The following GPRC5D variants were observed in gnomAD, a reference collection of about 807,000 sequenced individuals.
GPRC5D encodes G protein-coupled receptor class C group 5 member D, also known as G protein-coupled receptor family C group 5 member D.
In GPRC5D, 20 loss-of-function variants were observed where a neutral mutation model predicts 29.3. That is an observed-to-expected ratio of 0.68 (90% CI 0.48 to 0.99). The LOEUF (loss-of-function observed/expected upper bound fraction) is 0.99, where lower values mean the gene tolerates loss of function less well. Among genes scored for constraint, GPRC5D ranks in the 50% least tolerant of loss-of-function variants. The pLI is 0.00. For missense variants in GPRC5D, 384 were observed against 423.6 expected, an observed-to-expected ratio of 0.91 and a Z score of 0.82; for synonymous variants, 178 against 171.3, an observed-to-expected ratio of 1.04 and a Z score of -0.30.
intron 1 of GPRC5D, 101 bp from the exon 3 acceptor site, chr12:12,942,429 T>G: frequency 3.9e-6 from 3 of 762,542 alleles, no homozygotes; most frequent in African/African-American, 1.7e-5. Context: ...AAACAGGCTC[T>G]TCACTCTTTA....
intron 1 of GPRC5D, among the ~76,000 whole-genome samples, chr12:12,942,944 A>G (rs1483083677): frequency 1.3e-5 from 2 of 152,138 alleles, no homozygotes; most frequent in Non-Finnish European, 2.9e-5. Context: ...TCTTTTCAAC[A>G]GTCCCTTTAG....
At chr12:12,948,463 G>A (rs1039944707) in intron 1 of GPRC5D, 3 of 154,346 alleles carry the variant, frequency 1.9e-5, no homozygotes, top group South Asian at 2.0e-4. Flanking sequence ...AAAAGTGTAT[G>A]TACTTAAAAG....
At chr12:12,943,012 G>A (rs904579990) in intron 1 of GPRC5D, among the ~76,000 whole-genome samples, 1 of 152,082 alleles carries the variant, frequency 6.6e-6, no homozygotes, top group Non-Finnish European at 1.5e-5. Flanking sequence ...TTTTGCCCAG[G>A]TTGATCTTAA....
At chr12:12,940,790 A>T in exon 3 of GPRC5D, 1 of 1,603,468 alleles carries the variant, frequency 6.2e-7, no homozygotes, top group South Asian at 1.1e-5. Context: ...CTCCTCCTGC[A>T]TCTTGCTGGG....
chr12:12,946,414 T>G (rs4763906), intron 1 of GPRC5D, among the ~76,000 whole-genome samples: 1 of 42,680 alleles, frequency 2.3e-5, no homozygotes, highest in Non-Finnish European at 9.1e-5. Flanking sequence ...TTCTCTCTCT[T>G]TCTCTCTCTC....
At chr12:12,942,692 G>T (rs375576408) in intron 1 of GPRC5D, among the ~76,000 whole-genome samples, 5 of 152,132 alleles carry the variant, frequency 3.3e-5, no homozygotes, top group African/African-American at 1.2e-4. Context: ...CCGAGATCAC[G>T]CCACTGCATT....
chr12:12,951,012 A>G (rs1037078575), upstream of GPRC5D, among the ~76,000 whole-genome samples: 4 of 152,020 alleles, frequency 2.6e-5, no homozygotes, highest in Non-Finnish European at 4.4e-5. Context: ...TGGGAGGCTG[A>G]GGCAGGAGAA....
chr12:12,942,114 C>T, intron 2 of GPRC5D, 147 bp downstream of exon 3: 1 of 654,678 alleles, frequency 1.5e-6, no homozygotes, highest in Non-Finnish European at 2.7e-6. Flanking sequence ...ATCTGGGTGG[C>T]TCAAGCTCCA....
chr12:12,949,347 T>A (rs1238259692), intron 1 of GPRC5D, 143 bp downstream of exon 2: 1 of 677,662 alleles, frequency 1.5e-6, no homozygotes, highest in Non-Finnish European at 2.6e-6. Flanking sequence ...GAGTCTGCAT[T>A]TCTATGCTTG....
At chr12:12,943,869 G>GT (rs1360610324) in intron 1 of GPRC5D, among the ~76,000 whole-genome samples, 1 of 152,092 alleles carries the variant, frequency 6.6e-6, no homozygotes, top group African/African-American at 2.4e-5. Context: ...AAGGCTGAGC[G>GT]TTTTTTTATA....
intron 1 of GPRC5D, among the ~76,000 whole-genome samples, chr12:12,942,856 G>A (rs568079893): frequency 4.6e-5 from 7 of 152,210 alleles, no homozygotes; most frequent in Non-Finnish European, 7.3e-5. Flanking sequence ...TAGGAGAAGC[G>A]CATTGGCGTT....
chr12:12,951,482 A>G (rs1011035744), upstream of GPRC5D, among the ~76,000 whole-genome samples: 1 of 152,228 alleles, frequency 6.6e-6, no homozygotes, highest in African/African-American at 2.4e-5. Flanking sequence ...AGTAAAGGAA[A>G]TGAGAAAGGC....
exon 1 of GPRC5D, chr12:12,949,677 C>T (rs764873589): frequency 1.2e-6 from 2 of 1,614,144 alleles, no homozygotes; most frequent in East Asian, 2.2e-5. Context: ...GGTCGTCCCA[C>T]TGGGGCTGTC....
chr12:12,943,273 C>T (rs2136491335), intron 1 of GPRC5D, among the ~76,000 whole-genome samples: 1 of 152,224 alleles, frequency 6.6e-6, no homozygotes, highest in East Asian at 1.9e-4. Flanking sequence ...TGCTGGATAC[C>T]TAGTTGTTTT....
intron 1 of GPRC5D, 48 bp downstream of exon 2, chr12:12,949,442 T>A (rs1863429486): frequency 2.7e-6 from 4 of 1,493,524 alleles, no homozygotes; most frequent in Non-Finnish European, 3.6e-6. Context: ...TTCTCCTGCT[T>A]CTCCTGTAGG....
chr12:12,940,935 A>C (rs994496767), intron 2 of GPRC5D, 86 bp from the exon 4 acceptor site: 2 of 900,070 alleles, frequency 2.2e-6, no homozygotes, highest in African/African-American at 3.3e-5. Context: ...TTTTTGAGAC[A>C]GAGTCTTGCT....
At chr12:12,941,429 C>T (rs1206127745) in intron 2 of GPRC5D, among the ~76,000 whole-genome samples, 2 of 152,092 alleles carry the variant, frequency 1.3e-5, no homozygotes, top group East Asian at 1.9e-4. Context: ...TATGTAAATG[C>T]CCTCCTGAGG....
At chr12:12,945,013 C>CTCTT (rs1043708603) in intron 1 of GPRC5D, among the ~76,000 whole-genome samples, 8 of 146,208 alleles carry the variant, frequency 5.5e-5, no homozygotes, top group South Asian at 2.2e-4. Flanking sequence ...TTCTCTTTCT[C>CTCTT]TCTTTCTTTC....
intron 2 of GPRC5D, among the ~76,000 whole-genome samples, chr12:12,941,445 T>C (rs556219934): frequency 6.6e-6 from 1 of 152,292 alleles, no homozygotes; most frequent in Admixed American, 6.5e-5. Context: ...TGAGGGTTGA[T>C]TAAAGCACAT....
Sources: gnomAD v4.1 joint callset for allele counts (sites outside exome capture counted in the v4.1 genomes callset) on GRCh38, gnomAD v4.1.1 for gene constraint, MANE v1.5 for transcripts, NCBI Gene and HGNC (gene_info 2026-07-23, HGNC 2026-07-21) for gene names.